CCDC122: variants seen among roughly 807,000 people sequenced by gnomAD.
CCDC122 encodes the protein coiled-coil domain-containing protein 122.
A neutral mutation model predicts 37.0 loss-of-function variants in CCDC122; 38 were observed. That is an observed-to-expected ratio of 1.03 (90% CI 0.79 to 1.35). CCDC122 has a LOEUF of 1.35. Among genes scored for constraint, CCDC122 ranks in the 40% most tolerant of loss-of-function variants. The pLI is 0.00. For missense variants in CCDC122, 305 were observed against 310.0 expected, an observed-to-expected ratio of 0.98 and a Z score of 0.12; for synonymous variants, 83 against 95.6, an observed-to-expected ratio of 0.87 and a Z score of 0.77.
In CCDC122 at chr13:43,836,861, A is replaced by AT. The variant is rs1202925859; in HGVS notation, c.*418_*419insA. 6.6e-6 allele frequency: 1 copy of AT among 151,672 alleles called. No homozygotes were observed. Among genetic ancestry groups the AT allele is most frequent in the Non-Finnish European group, 1.5e-5 (1 of 67,998 alleles). 9.4% of individuals were successfully genotyped at this position (151,672 alleles called of 1,614,324 possible). A position where few individuals can be genotyped will look rare whatever the true frequency, so the allele number is the denominator to read the frequency against. On this transcript the variant is annotated 3_prime_UTR_variant, in exon 7 of 7. Transcript: ENST00000444614. The stretch of plus-strand genomic sequence containing the variant: ...GACAGAGCGAGACTCCGTCTCAAAA[A>AT]AAAAAAAAAAAAAAAAGTTCGAAAC...
intron 3 of CCDC122, chr13:43,824,085 C>T (rs977959867): frequency 6.6e-6 from 1 of 152,062 alleles, no homozygotes; most frequent in Non-Finnish European, 1.5e-5. Context: ...CTTTTTCATG[C>T]CAACGGAATC....
At chr13:43,853,245 C>T (rs1566946463) in intron 6 of CCDC122, among the ~76,000 whole-genome samples, 2 of 152,046 alleles carry the variant, frequency 1.3e-5, no homozygotes, top group Non-Finnish European at 2.9e-5. Flanking sequence ...AGAGACCCAT[C>T]TCACATGCAA....
At position 43,858,870 on chromosome 13, in the gene CCDC122, T is replaced by C. The variant is rs376428525; in HGVS notation, c.583A>G (p.Ile195Val). Residue 195 changes from isoleucine to valine, a missense_variant, in exon 6 of 7, where the codon ATT becomes GTT. By Grantham distance (29) the Ile-to-Val change is conservative. Transcript: ENST00000444614. ...ATGATAGATTCTTTTACAGTTATAA[T>C]TTTATCCTTTAAGTTTGTAATGTCT... is the stretch of plus-strand genomic sequence containing the variant. ...QEDITNLKDKIITVKESIIEK... is the reference protein window; with the variant it reads ...QEDITNLKDKVITVKESIIEK... The C allele has an allele frequency of 1.4e-6, 2 of 1,406,072 alleles. No homozygotes were observed. The highest frequency in any genetic ancestry group is 1.9e-6 in the Non-Finnish European group (2 of 1,046,868). 87.1% of individuals were successfully genotyped at this position (1,406,072 alleles called of 1,614,324 possible).
At chr13:43,863,989 C>A (rs1262803556) in intron 4 of CCDC122, among the ~76,000 whole-genome samples, 2 of 151,974 alleles carry the variant, frequency 1.3e-5, no homozygotes, top group African/African-American at 2.4e-5. Context: ...AACATTCAGG[C>A]CTTTGATTCA....
Position 43,862,735 on chromosome 13 carries a change from GC to G in CCDC122, c.157-2666del, listed in dbSNP as rs745636831. On this transcript the variant is annotated intron_variant, in intron 4 of 6. Coordinates refer to ENST00000444614, the MANE Select transcript of CCDC122 (RefSeq NM_144974.5). ...ACCAATGGTCAGGAAAGGGACATAT[GC>G]CCTGCTGGTTACATCAGGCTATCTA... is the stretch of plus-strand genomic sequence containing the variant. Among the ~76,000 whole-genome samples, 3 of 152,178 alleles carry G rather than the reference GC, an allele frequency of 2.0e-5. No individual in the cohort carries two copies. The South Asian group carries it at 6.2e-4, about 32-fold the overall frequency.
intron 2 of CCDC122, among the ~76,000 whole-genome samples, chr13:43,871,228 CT>C (rs1954440956): frequency 6.6e-6 from 1 of 152,114 alleles, no homozygotes; most frequent in African/African-American, 2.4e-5. Context: ...CTACTACCAT[CT>C]ATATTTCTTC....
chr13:43,840,952 TCAC>T (rs997592963), intron 6 of CCDC122, among the ~76,000 whole-genome samples: 2 of 152,188 alleles, frequency 1.3e-5, no homozygotes, highest in Non-Finnish European at 2.9e-5. Flanking sequence ...CCCTGAGGAA[TCAC>T]CACAATGACT....
chr13:43,837,305 C>G lies in CCDC122; in HGVS notation c.797G>C (p.Arg266Thr). 3.1e-6 allele frequency: 5 copies of G among 1,613,946 alleles called. No individual in the cohort carries two copies. The highest frequency in any genetic ancestry group is 4.2e-6 in the Non-Finnish European group (5 of 1,179,958). Residue 266 changes from arginine to threonine, a missense_variant, in exon 7 of 7, where the codon AGA becomes ACA. Physicochemically the swap from Arg to Thr is moderately conservative, Grantham distance 71. Coordinates refer to ENST00000444614, the MANE Select transcript of CCDC122 (RefSeq NM_144974.5). ...QQLEKTAAELRKCIGMQE is the reference protein window; with the variant it reads ...QQLEKTAAELTKCIGMQE ...TTACTCTTGCATTCCAATGCATTTT[C>G]TTAATTCGGCTGCAGTTTTTTCCAA...
intron 6 of CCDC122, among the ~76,000 whole-genome samples, chr13:43,843,585 T>C (rs1953426004): frequency 6.6e-6 from 1 of 151,914 alleles, no homozygotes; most frequent in South Asian, 2.1e-4. Context: ...CTAAAATGAG[T>C]TGGGAGGAGT....
chr13:43,822,902 C>T (rs1953005463), downstream of CCDC122, among the ~76,000 whole-genome samples: 1 of 152,168 alleles, frequency 6.6e-6, no homozygotes, highest in Admixed American at 6.5e-5. Context: ...AGGCCTGGAA[C>T]CGGGGACCCC....
At chr13:43,831,506 T>G (rs1317930818), downstream of CCDC122, among the ~76,000 whole-genome samples, 4 of 152,202 alleles carry the variant, frequency 2.6e-5, no homozygotes, top group Non-Finnish European at 5.9e-5. Flanking sequence ...CTATTTCATG[T>G]AAAATAATGT....
chr13:43,875,432 C>G (rs912858570), intron 1 of CCDC122, among the ~76,000 whole-genome samples: 14 of 152,142 alleles, frequency 9.2e-5, no homozygotes, highest in Admixed American at 3.9e-4. Context: ...GCAGATTTAA[C>G]TGGGTTAAAG....
intron 6 of CCDC122, among the ~76,000 whole-genome samples, chr13:43,850,916 A>G (rs1953705669): frequency 2.0e-5 from 3 of 152,180 alleles, no homozygotes; most frequent in Non-Finnish European, 4.4e-5. Context: ...TTTTTCCCCA[A>G]TCTCGCTCAC....
intron 3 of CCDC122, among the ~76,000 whole-genome samples, chr13:43,825,568 G>A (rs778348806): frequency 3.3e-5 from 5 of 152,122 alleles, no homozygotes; most frequent in East Asian, 1.9e-4. Flanking sequence ...TCAGGAGTTC[G>A]AGACCAGCCT....
intron 4 of CCDC122, among the ~76,000 whole-genome samples, chr13:43,865,912 G>T (rs4942251): frequency 0.51 from 77,205 of 151,890 alleles, 20,052 homozygotes; most frequent in African/African-American, 0.6. Context: ...CAGCTTCTCT[G>T]TGGCATATGT....
intron 6 of CCDC122, among the ~76,000 whole-genome samples, chr13:43,846,962 A>G (rs561591795): frequency 1.3e-3 from 196 of 152,372 alleles, no homozygotes; most frequent in African/African-American, 4.6e-3. Flanking sequence ...CGTAACAGAA[A>G]GAGCACAGAT....
chr13:43,847,577 AT>A (rs1193321918), intron 6 of CCDC122, among the ~76,000 whole-genome samples: 1 of 152,230 alleles, frequency 6.6e-6, no homozygotes, highest in Non-Finnish European at 1.5e-5. Context: ...ATTATGGGGA[AT>A]TTAAATAGGA....
chr13:43,854,507 C>T (rs901644979), intron 6 of CCDC122: 1 of 152,068 alleles, frequency 6.6e-6, no homozygotes, highest in Non-Finnish European at 1.5e-5. Context: ...TGAAAAAAGC[C>T]CAGTACCAGA....
intron 6 of CCDC122, 188 bp downstream of exon 6, chr13:43,858,593 T>C (rs1236746803): frequency 3.1e-6 from 1 of 320,490 alleles, no homozygotes; most frequent in Non-Finnish European, 5.4e-6. Flanking sequence ...ATTCACATAT[T>C]TGAACATCTT....
Sources: gnomAD v4.1 joint callset for allele counts (sites outside exome capture counted in the v4.1 genomes callset) on GRCh38, gnomAD v4.1.1 for gene constraint, MANE v1.5 for transcripts, NCBI Gene and HGNC (gene_info 2026-07-23, HGNC 2026-07-21) for gene names.